Variants in SERINC3 observed in about 807,000 individuals in gnomAD.
The protein encoded by SERINC3 is serine incorporator 3.
A neutral mutation model predicts 52.1 loss-of-function variants in SERINC3; 22 were observed. The observed-to-expected ratio is 0.42, with a 90% CI of 0.30 to 0.60. SERINC3 has a LOEUF of 0.60. Among genes scored for constraint, SERINC3 ranks in the 20% least tolerant of loss-of-function variants. SERINC3 has a pLI of 0.16. For missense variants in SERINC3, 564 were observed against 584.6 expected, an observed-to-expected ratio of 0.96 and a Z score of 0.36; for synonymous variants, 226 against 212.7, an observed-to-expected ratio of 1.06 and a Z score of -0.54.
chr20:44,516,797 C>T (rs577621338), intron 1 of SERINC3, among the ~76,000 whole-genome samples: 2 of 152,168 alleles, frequency 1.3e-5, no homozygotes, highest in Non-Finnish European at 2.9e-5. Flanking sequence ...TGGGCTCAAG[C>T]GATCCTCTGG....
In SERINC3 at chr20:44,518,855, T is replaced by C. The variant is rs180808670; in HGVS notation, c.39+3058A>G. On this transcript the variant is annotated intron_variant, in intron 1 of 9. Coordinates refer to ENST00000342374, the MANE Select transcript of SERINC3 (RefSeq NM_006811.4). The stretch of plus-strand genomic sequence containing the variant: ...GGCACATGCCTGTAATCCCAGCTAC[T>C]TGGGAGGCTGAGGCAGGAGAATCGC... Among the ~76,000 whole-genome samples, 509 of 151,990 alleles carry C rather than the reference T, an allele frequency of 3.3e-3. 5 individuals are homozygous for C. The highest frequency in any genetic ancestry group is 0.012 in the African/African-American group (493 of 41,466).
chr20:44,510,848 C>T (rs2064342864), intron 4 of SERINC3, among the ~76,000 whole-genome samples: 1 of 151,974 alleles, frequency 6.6e-6, no homozygotes, highest in South Asian at 2.1e-4. Flanking sequence ...GGTACTAAGT[C>T]ATATTAATCG....
At chr20:44,516,301 C>CA (rs1158258855) in intron 1 of SERINC3, among the ~76,000 whole-genome samples, 12 of 149,274 alleles carry the variant, frequency 8.0e-5, no homozygotes, top group Admixed American at 2.7e-4. Context: ...GACTCCGTCT[C>CA]AAAAAAAAAG....
At chr20:44,517,655 T>C (rs770578011) in intron 1 of SERINC3, among the ~76,000 whole-genome samples, 1 of 151,640 alleles carries the variant, frequency 6.6e-6, no homozygotes. Flanking sequence ...GAACCAACCC[T>C]GCTGACACCT....
intron 1 of SERINC3, among the ~76,000 whole-genome samples, chr20:44,517,751 C>T (rs749421589): frequency 5.3e-5 from 8 of 152,134 alleles, no homozygotes; most frequent in Non-Finnish European, 1.0e-4. Flanking sequence ...TGTTATAAAG[C>T]CCTGGCAAAC....
At chr20:44,518,956 C>A (rs1430234519) in intron 1 of SERINC3, among the ~76,000 whole-genome samples, 1 of 142,624 alleles carries the variant, frequency 7.0e-6, no homozygotes, top group Non-Finnish European at 1.5e-5. Flanking sequence ...AAGAGTGGAA[C>A]TTGTTTTCTC....
rs1180631827 is a variant in SERINC3, at chr20:44,521,963, T to C, written c.-12A>G. The C allele has an allele frequency of 1.9e-6, 3 of 1,609,076 alleles. No homozygotes were observed. The highest frequency in any genetic ancestry group is 2.5e-6 in the Non-Finnish European group (3 of 1,177,716). ...AGCACAGCCCCCATGGTGACGCCAGTGATGGAGGTGGCCGGTCCTGAGGCT... is the reference window on the plus strand; with the variant it reads ...AGCACAGCCCCCATGGTGACGCCAGCGATGGAGGTGGCCGGTCCTGAGGCT... On this transcript the variant is annotated 5_prime_UTR_variant, in exon 1 of 10. Coordinates refer to ENST00000342374, the MANE Select transcript of SERINC3 (RefSeq NM_006811.4).
At chr20:44,508,718 A>C (rs1014618626) in intron 5 of SERINC3, among the ~76,000 whole-genome samples, 1 of 152,210 alleles carries the variant, frequency 6.6e-6, no homozygotes, top group African/African-American at 2.4e-5. Context: ...GTAAGGAAGG[A>C]TATTCATCAT....
At chr20:44,507,922 A>G (rs997047678) in intron 5 of SERINC3, among the ~76,000 whole-genome samples, 2 of 152,176 alleles carry the variant, frequency 1.3e-5, no homozygotes, top group Admixed American at 6.5e-5. Flanking sequence ...AAAACATGAA[A>G]CAGCACATAC....
intron 4 of SERINC3, among the ~76,000 whole-genome samples, chr20:44,510,614 C>T (rs1203287003): frequency 1.3e-5 from 2 of 151,952 alleles, no homozygotes; most frequent in African/African-American, 4.8e-5. Context: ...GAGTTCAAGA[C>T]CAGCCTGGCC....
At chr20:44,513,043 A>C in intron 2 of SERINC3, 49 bp from the exon 3 acceptor site, 1 of 1,308,886 alleles carries the variant, frequency 7.6e-7, no homozygotes, top group Non-Finnish European at 1.0e-6. Flanking sequence ...ATTTAGACAG[A>C]GACTCTAACC....
At chr20:44,509,822 T>C (rs1198340388) in intron 5 of SERINC3, 69 bp downstream of exon 5, 3 of 1,518,430 alleles carry the variant, frequency 2.0e-6, no homozygotes, top group African/African-American at 2.7e-5. Context: ...GGGACTATAA[T>C]GATGATTTTT....
At chr20:44,496,960 A>T (rs1358258520), downstream of SERINC3, among the ~76,000 whole-genome samples, 1 of 152,214 alleles carries the variant, frequency 6.6e-6, no homozygotes, top group Non-Finnish European at 1.5e-5. Flanking sequence ...CTTCCCAACC[A>T]GATAACCCGC....
intron 8 of SERINC3, among the ~76,000 whole-genome samples, 157 bp downstream of exon 8, chr20:44,503,658 A>G (rs1053701933): frequency 2.6e-5 from 4 of 152,222 alleles, no homozygotes; most frequent in Non-Finnish European, 5.9e-5. Flanking sequence ...AAAAAAATAT[A>G]TATGTACACA....
intron 5 of SERINC3, among the ~76,000 whole-genome samples, chr20:44,508,947 T>C (rs764526018): frequency 6.6e-6 from 1 of 152,224 alleles, no homozygotes; most frequent in Non-Finnish European, 1.5e-5. Flanking sequence ...TTTAAAAACA[T>C]GTAAATATTT....
chr20:44,510,588 T>G (rs1230223326), intron 4 of SERINC3, among the ~76,000 whole-genome samples: 1 of 151,906 alleles, frequency 6.6e-6, no homozygotes, highest in East Asian at 1.9e-4. Context: ...CTGAGGCAGG[T>G]GGATCATGAG....
At chr20:44,503,608 A>ACT (rs2064293038) in intron 8 of SERINC3, among the ~76,000 whole-genome samples, 1 of 152,216 alleles carries the variant, frequency 6.6e-6, no homozygotes, top group Non-Finnish European at 1.5e-5. Flanking sequence ...AGATCCTGCC[A>ACT]CTGCACTCCA....
Position 44,504,863 on chromosome 20 carries a change from T to C in SERINC3, c.812A>G (p.Gln271Arg). 6.2e-7 allele frequency: 1 copy of C among 1,613,324 alleles called. No individual in the cohort carries two copies. Among genetic ancestry groups the C allele is most frequent in the Non-Finnish European group, 8.5e-7 (1 of 1,179,416 alleles). ...QEHQPRSGLLQSSLITLYTMY... is the reference protein window; with the variant it reads ...QEHQPRSGLLRSSLITLYTMY... ...AGTGTAGAGGGTGATGAGGGAGGAC[T>C]GCAAGAGGCCGGAGCGAGGCTGGTG... Residue 271 changes from glutamine (Q) to arginine (R), a missense_variant, in exon 7 of 10, where the codon CAG becomes CGG. Transcript: ENST00000342374.
intron 5 of SERINC3, among the ~76,000 whole-genome samples, chr20:44,508,333 C>T (rs951894145): frequency 2.9e-4 from 44 of 151,742 alleles, no homozygotes; most frequent in African/African-American, 1.0e-3. Flanking sequence ...ATTAGCCGGT[C>T]GTGGTGGTGT....
Sources: allele counts gnomAD v4.1 joint callset (sites outside exome capture counted in the v4.1 genomes callset), GRCh38; gene constraint gnomAD v4.1.1; transcripts MANE v1.5; gene names NCBI Gene and HGNC (gene_info 2026-07-23, HGNC 2026-07-21).